The following NSD1 variants were observed in gnomAD, a reference collection of about 807,000 sequenced individuals.
NSD1 encodes the protein nuclear receptor binding SET domain protein 1, also known as histone-lysine N-methyltransferase, H3 lysine-36 specific.
A neutral mutation model predicts 242.7 loss-of-function variants in NSD1; 26 were observed. The observed-to-expected ratio is 0.11, with a 90% CI of 0.08 to 0.15. NSD1 has a LOEUF of 0.15. NSD1 is among the 10% of genes least tolerant of loss of function. The probability of loss-of-function intolerance (pLI) is 1.00; values close to 1 mark genes in which losing one functional copy is unlikely to be tolerated. For synonymous variants in NSD1, 1,106 were observed against 1,178.1 expected (o/e 0.94, Z 1.25); for missense variants, 2,495 against 3,272.8 (o/e 0.76, Z 5.80).
chr5:177,191,692 G>GTT (rs1170227081), intron 2 of NSD1, among the ~76,000 whole-genome samples, 192 bp from the exon 3 acceptor site: 2 of 152,166 alleles, frequency 1.3e-5, no homozygotes, highest in Non-Finnish European at 2.9e-5. Context: ...TGAGAACTAT[G>GTT]TATAAAGGGC....
chr5:177,180,583 C>G (rs571174347), intron 2 of NSD1, among the ~76,000 whole-genome samples: 1 of 151,992 alleles, frequency 6.6e-6, no homozygotes, highest in East Asian at 1.9e-4. Context: ...TTTGCTTAGT[C>G]TGTTAATTAC....
In NSD1 at chr5:177,269,841, C is replaced by T. The variant is rs1340499185; in HGVS notation, c.5509+34C>T. ...ATCCTTTTTGTTTCTCAGGCAAACACAGACCTCTGTTACCTGAGTGTCTGA... is the reference window on the plus strand; with the variant it reads ...ATCCTTTTTGTTTCTCAGGCAAACATAGACCTCTGTTACCTGAGTGTCTGA... On this transcript the variant is annotated intron_variant, in intron 16 of 22. Coordinates refer to ENST00000439151, the MANE Select transcript of NSD1 (RefSeq NM_022455.5). This position sits in a 1 kb window ranked among gnomAD's most constrained non-coding sequence, Gnocchi z 5.1. 6.4e-7 allele frequency: 1 copy of T among 1,560,130 alleles called. No individual in the cohort carries two copies. Among genetic ancestry groups the T allele is most frequent in the Non-Finnish European group, 8.8e-7 (1 of 1,137,728 alleles).
chr5:177,193,820 G>A (rs540582400), intron 3 of NSD1, among the ~76,000 whole-genome samples: 3 of 152,180 alleles, frequency 2.0e-5, no homozygotes, highest in Non-Finnish European at 2.9e-5. Flanking sequence ...TGTCACGTAC[G>A]TTGGAGTGCA....
intron 6 of NSD1, among the ~76,000 whole-genome samples, chr5:177,237,834 A>G (rs1268665640): frequency 1.3e-5 from 2 of 152,136 alleles, no homozygotes; most frequent in Non-Finnish European, 2.9e-5. Flanking sequence ...CGCCCAGCCT[A>G]TTTTATCCAT....
intron 2 of NSD1, among the ~76,000 whole-genome samples, chr5:177,155,313 T>A (rs1166639978): frequency 2.0e-5 from 3 of 151,550 alleles, no homozygotes; most frequent in Admixed American, 6.6e-5. Flanking sequence ...TCAGTAGAAA[T>A]TTTTGTATTT....
chr5:177,291,634 C>A (rs1759835961), intron 21 of NSD1, among the ~76,000 whole-genome samples: 1 of 152,212 alleles, frequency 6.6e-6, no homozygotes. Context: ...GCCTGGGCAA[C>A]ACAGCAAGAC....
At chr5:177,219,046 T>C (rs1764026660) in intron 5 of NSD1, among the ~76,000 whole-genome samples, 1 of 152,174 alleles carries the variant, frequency 6.6e-6, no homozygotes, top group African/African-American at 2.4e-5. Flanking sequence ...TCTTTCCTTC[T>C]ACCAACTTTG....
chr5:177,300,057 G>GCCCCCCCCCCCCC lies in NSD1; in HGVS notation c.*4599_*4611dup, dbSNP rs60995782. The GCCCCCCCCCCCCC allele has an allele frequency of 8.5e-5, 11 of 129,926 alleles. No individual in the cohort carries two copies. Among genetic ancestry groups the GCCCCCCCCCCCCC allele is most frequent in the Admixed American group, 2.4e-4 (2 of 8,240 alleles). The allele number at this position is 129,926 out of a possible 1,614,324, so 8.0% of individuals were successfully genotyped here. A position where few individuals can be genotyped will look rare whatever the true frequency, so the allele number is the denominator to read the frequency against. On this transcript the variant is annotated 3_prime_UTR_variant, in exon 23 of 23. Transcript: ENST00000439151. The stretch of plus-strand genomic sequence containing the variant: ...AGGTCCATCATTGCTTTTTTGCCGC[G>GCCCCCCCCCCCCC]CCCCCCCCCCCCCGCCCCCATAGAT...
intron 2 of NSD1, among the ~76,000 whole-genome samples, chr5:177,173,152 C>T (rs1162463443): frequency 4.0e-5 from 6 of 150,706 alleles, no homozygotes; most frequent in African/African-American, 1.5e-4. Flanking sequence ...ATTAGCCGGG[C>T]GTGGTGGCAG....
At chr5:177,139,831 C>T (rs1039927797) in intron 2 of NSD1, among the ~76,000 whole-genome samples, 1 of 151,694 alleles carries the variant, frequency 6.6e-6, no homozygotes, top group Non-Finnish European at 1.5e-5. Context: ...GTCCCAGCTA[C>T]TCAGGAGGCT....
chr5:177,158,955 T>C (rs912664766), intron 2 of NSD1, among the ~76,000 whole-genome samples: 1 of 142,912 alleles, frequency 7.0e-6, no homozygotes, highest in Non-Finnish European at 1.5e-5. Context: ...TACACACATA[T>C]ATATATACAC....
intron 21 of NSD1, among the ~76,000 whole-genome samples, chr5:177,289,169 A>G (rs971093990): frequency 6.6e-6 from 1 of 152,026 alleles, no homozygotes; most frequent in Non-Finnish European, 1.5e-5. Context: ...AGAATAGAAA[A>G]ATTAGCTGGG....
chr5:177,289,428 G>A (rs546641531), intron 21 of NSD1, among the ~76,000 whole-genome samples: 1 of 152,248 alleles, frequency 6.6e-6, no homozygotes, highest in East Asian at 1.9e-4. Flanking sequence ...TGGGGATATT[G>A]TTGAAGTGTT....
At chr5:177,176,585 C>T (rs1360772019) in intron 2 of NSD1, among the ~76,000 whole-genome samples, 1 of 152,080 alleles carries the variant, frequency 6.6e-6, no homozygotes, top group African/African-American at 2.4e-5. Context: ...GCACACACCA[C>T]CACACCCGAC....
At chr5:177,284,400 C>A (rs952748268) in intron 20 of NSD1, among the ~76,000 whole-genome samples, 2 of 152,144 alleles carry the variant, frequency 1.3e-5, no homozygotes, top group African/African-American at 4.8e-5. Context: ...GCCTCAGCCT[C>A]CTGAGTAGCT....
intron 5 of NSD1, 34 bp downstream of exon 5, chr5:177,212,229 A>T (rs1184343835): frequency 3.1e-6 from 5 of 1,594,298 alleles, no homozygotes; most frequent in Non-Finnish European, 4.3e-6. Context: ...AAAAAAAAAA[A>T]TTGGAGAAAG....
At chr5:177,212,231 T>C (rs1460487267) in intron 5 of NSD1, 36 bp downstream of exon 5, 23 of 1,587,906 alleles carry the variant, frequency 1.4e-5, no homozygotes, top group Non-Finnish European at 2.0e-5. Flanking sequence ...AAAAAAAAAT[T>C]GGAGAAAGTG....
rs543853335 is a variant in NSD1 at position 177,217,666 on chromosome 5, C to CTT, written c.3796+5488_3796+5489dup. 2.6e-3 allele frequency among the ~76,000 whole-genome samples: 277 copies of CTT among 106,224 alleles called. 4 individuals carry two copies. The highest frequency in any genetic ancestry group is 5.8e-3 in the African/African-American group (168 of 28,924). 69.7% of individuals were successfully genotyped at this position (106,224 alleles called of 152,430 possible). A position where few individuals can be genotyped will look rare whatever the true frequency, so the allele number is the denominator to read the frequency against. On this transcript the variant is annotated intron_variant, in intron 5 of 22. Coordinates refer to ENST00000439151, the MANE Select transcript of NSD1 (RefSeq NM_022455.5). ...TTTTGTTTTTGGACAGCGTCACATT[C>CTT]TTTTTTTTTTTTTTTTTTGAGACAG...
chr5:177,204,298 A>G lies in NSD1; in HGVS notation c.1236+6A>G. 6.2e-7 allele frequency: 1 copy of G among 1,613,108 alleles called. No individual in the cohort carries two copies. The highest frequency in any genetic ancestry group is 8.5e-7 in the Non-Finnish European group (1 of 1,179,332). On this transcript the variant is annotated splice_donor_region_variant and intron_variant, in intron 4 of 22. Coordinates refer to ENST00000439151, the MANE Select transcript of NSD1 (RefSeq NM_022455.5). ...AAAAAGGATATAGGCATAAGGTAGG[A>G]AACGAAAAAGGCTTTTTATTGAGTG...
Sources: allele counts gnomAD v4.1 joint callset (sites outside exome capture counted in the v4.1 genomes callset), GRCh38; gene constraint gnomAD v4.1.1; non-coding constraint Gnocchi (gnomAD v3.1); transcripts MANE v1.5; gene names NCBI Gene and HGNC (gene_info 2026-07-23, HGNC 2026-07-21).